Variants in ERO1A observed in about 807,000 individuals in gnomAD.
ERO1A encodes the protein ERO1-like protein alpha.
In ERO1A, 49 loss-of-function variants were observed where a neutral mutation model predicts 76.9. The observed-to-expected ratio is 0.64, with a 90% CI of 0.51 to 0.81. The LOEUF (loss-of-function observed/expected upper bound fraction) is 0.81. Among genes scored for constraint, ERO1A ranks in the 30% least tolerant of loss-of-function variants. The pLI, the probability that ERO1A is intolerant of heterozygous loss-of-function variation, is 0.00. For missense variants in ERO1A, 448 were observed against 542.1 expected (o/e 0.83, Z 1.72); for synonymous variants, 174 against 181.2 (o/e 0.96, Z 0.32).
Position 52,641,628 on chromosome 14 carries a change from A to T in ERO1A, c.*1942T>A, listed in dbSNP as rs987794822. Reference sequence around the variant, plus strand: ...GACTCCGTCTCCAAAAAATAAAAATAAAAAAAGGAAGGGAAGCATAAGATG... The same window carrying T: ...GACTCCGTCTCCAAAAAATAAAAATTAAAAAAGGAAGGGAAGCATAAGATG... On this transcript the variant is annotated 3_prime_UTR_variant, in exon 16 of 16. Transcript: ENST00000395686. 6.6e-6 allele frequency: 1 copy of T among 152,010 alleles called. No individual in the cohort carries two copies. Among genetic ancestry groups the T allele is most frequent in the African/African-American group, 2.4e-5 (1 of 41,322 alleles). The allele number at this position is 152,010 out of a possible 1,614,324, so 9.4% of individuals were successfully genotyped here. A position where few individuals can be genotyped will look rare whatever the true frequency, so the allele number is the denominator to read the frequency against.
At chr14:52,687,766 G>C (rs1026762166) in intron 1 of ERO1A, among the ~76,000 whole-genome samples, 3 of 152,146 alleles carry the variant, frequency 2.0e-5, no homozygotes, top group Non-Finnish European at 4.4e-5. Flanking sequence ...ACTGCTCTAG[G>C]CTTCAAGTAA....
intron 11 of ERO1A, among the ~76,000 whole-genome samples, chr14:52,655,972 C>T (rs749025050): frequency 5.3e-5 from 8 of 152,098 alleles, no homozygotes; most frequent in East Asian, 1.9e-4. Context: ...TAGGTAATTA[C>T]GCCACATAGT....
At chr14:52,654,532 TTA>T (rs769123064) in intron 11 of ERO1A, among the ~76,000 whole-genome samples, 44 of 152,316 alleles carry the variant, frequency 2.9e-4, no homozygotes, top group Non-Finnish European at 3.1e-4. Flanking sequence ...AGGATGTTTT[TTA>T]TATATAAATG....
intron 4 of ERO1A, among the ~76,000 whole-genome samples, chr14:52,673,231 A>G (rs1023200171): frequency 2.0e-5 from 3 of 152,088 alleles, no homozygotes; most frequent in Middle Eastern, 3.2e-3. Context: ...CTAGGACTAC[A>G]GGTGCACACT....
At chr14:52,662,038 T>C (rs1014707444) in intron 8 of ERO1A, among the ~76,000 whole-genome samples, 2 of 152,058 alleles carry the variant, frequency 1.3e-5, no homozygotes, top group African/African-American at 4.8e-5. Context: ...TTATACATAT[T>C]GTTTTGATAC....
At chr14:52,681,310 G>A (rs1039285966) in intron 3 of ERO1A, among the ~76,000 whole-genome samples, 6 of 152,092 alleles carry the variant, frequency 3.9e-5, no homozygotes, top group Non-Finnish European at 2.9e-5. Flanking sequence ...AAAAGGAATC[G>A]AAGCTGGGCA....
intron 3 of ERO1A, among the ~76,000 whole-genome samples, chr14:52,680,082 C>CAAAAAAAAAAAAAAAAAAAAA (rs35358193): frequency 1.1e-5 from 1 of 90,932 alleles, no homozygotes; most frequent in Non-Finnish European, 2.2e-5. Flanking sequence ...AAAACACAAA[C>CAAAAAAAAAAAAAAAAAAAAA]AAAAAAAAAA....
At position 52,683,974 on chromosome 14, in the gene ERO1A, A is replaced by C. The variant is rs1363824359; in HGVS notation, c.115-67T>G. On this transcript the variant is annotated intron_variant, in intron 1 of 15. Coordinates refer to ENST00000395686, the MANE Select transcript of ERO1A (RefSeq NM_014584.3). The stretch of plus-strand genomic sequence containing the variant: ...ATGCAACAGGGTTCTTTTTCCTCAC[A>C]TGGTTGTTAGGAAACAGCCCCCTAC... 3 of 1,337,884 alleles carry C rather than the reference A, an allele frequency of 2.2e-6. No individual in the cohort carries two copies. The Admixed American group carries it at 6.8e-5, about 31-fold the overall frequency. 82.9% of individuals were successfully genotyped at this position (1,337,884 alleles called of 1,614,324 possible).
chr14:52,676,569 T>A (rs545517972), intron 4 of ERO1A, among the ~76,000 whole-genome samples: 1 of 152,304 alleles, frequency 6.6e-6, no homozygotes, highest in Admixed American at 6.5e-5. Context: ...TGAGTGTAAT[T>A]ATTTTTCAGC....
chr14:52,668,735 A>G (rs1004552842), intron 6 of ERO1A, among the ~76,000 whole-genome samples: 1 of 149,100 alleles, frequency 6.7e-6, no homozygotes, highest in Non-Finnish European at 1.5e-5. Context: ...TATAAAAAAT[A>G]AATATTACTA....
At chr14:52,682,537 T>A in intron 2 of ERO1A, 129 bp from the exon 3 acceptor site, 1 of 642,218 alleles carries the variant, frequency 1.6e-6, no homozygotes, top group South Asian at 2.2e-5. Flanking sequence ...TCCACCTATC[T>A]GTTGCCAGTT....
chr14:52,687,401 G>A (rs1033445719), intron 1 of ERO1A, among the ~76,000 whole-genome samples: 2 of 152,202 alleles, frequency 1.3e-5, no homozygotes, highest in Non-Finnish European at 2.9e-5. Flanking sequence ...CTGCACTCCA[G>A]CCTGGGCAAT....
intron 9 of ERO1A, among the ~76,000 whole-genome samples, chr14:52,660,691 T>C (rs2040202309): frequency 6.6e-6 from 1 of 152,224 alleles, no homozygotes. Flanking sequence ...AAGTGATACT[T>C]CACATTTTAG....
intron 1 of ERO1A, among the ~76,000 whole-genome samples, chr14:52,686,420 C>A (rs1253257790): frequency 6.6e-6 from 1 of 152,152 alleles, no homozygotes; most frequent in Non-Finnish European, 1.5e-5. Flanking sequence ...AAGGTAAACA[C>A]CTTTTGTGTC....
At chr14:52,693,125 TTTA>T (rs946376947) in intron 1 of ERO1A, among the ~76,000 whole-genome samples, 6 of 151,592 alleles carry the variant, frequency 4.0e-5, no homozygotes, top group Non-Finnish European at 7.4e-5. Context: ...AATTTACTTT[TTTA>T]TTATTATTAT....
At chr14:52,669,647 G>A (rs758738680) in intron 6 of ERO1A, among the ~76,000 whole-genome samples, 7 of 152,054 alleles carry the variant, frequency 4.6e-5, no homozygotes, top group East Asian at 1.9e-4. Flanking sequence ...ATTCAAACAC[G>A]TAAATATTTC....
chr14:52,663,107 A>C (rs1045299719), intron 8 of ERO1A, among the ~76,000 whole-genome samples: 13 of 152,150 alleles, frequency 8.5e-5, no homozygotes, highest in Admixed American at 8.5e-4. Flanking sequence ...TTAAGATATA[A>C]AGACATGTAA....
At chr14:52,679,526 C>T (rs991993726) in intron 3 of ERO1A, among the ~76,000 whole-genome samples, 4 of 151,610 alleles carry the variant, frequency 2.6e-5, no homozygotes, top group African/African-American at 9.7e-5. Context: ...GATTCTTGTA[C>T]CTCAGCCTCC....
intron 1 of ERO1A, among the ~76,000 whole-genome samples, chr14:52,694,484 T>C (rs556428074): frequency 3.5e-4 from 53 of 152,340 alleles, no homozygotes; most frequent in Non-Finnish European, 6.3e-4. Context: ...GTATTTCTGA[T>C]AATAAATTAA....
Sources: allele counts gnomAD v4.1 joint callset (sites outside exome capture counted in the v4.1 genomes callset), GRCh38; gene constraint gnomAD v4.1.1; transcripts MANE v1.5; gene names NCBI Gene and HGNC (gene_info 2026-07-23, HGNC 2026-07-21).